The following TAMM41 variants were observed in gnomAD, a reference collection of about 807,000 sequenced individuals.
TAMM41 encodes the protein phosphatidate cytidylyltransferase, mitochondrial.
TAMM41 carries 36 observed loss-of-function variants against 44.1 expected under a neutral mutation model. That is an observed-to-expected ratio of 0.82 (90% CI 0.63 to 1.08). The LOEUF is 1.08. TAMM41 is among the 50% of genes least tolerant of loss of function. The pLI, the probability that TAMM41 is intolerant of heterozygous loss-of-function variation, is 0.00. For synonymous variants in TAMM41, 164 were observed against 153.1 expected, an observed-to-expected ratio of 1.07 and a Z score of -0.53; for missense variants, 417 against 404.3, an observed-to-expected ratio of 1.03 and a Z score of -0.27.
downstream of TAMM41, among the ~76,000 whole-genome samples, chr3:11,785,767 C>T (rs2077413191): frequency 6.6e-6 from 1 of 152,246 alleles, no homozygotes; most frequent in African/African-American, 2.4e-5. Context: ...GGGTGCGCAC[C>T]ACTGCTCCCA....
At chr3:11,723,227 A>C in the TAMM41 span, among the ~76,000 whole-genome samples, 1 of 152,160 alleles carries the variant, frequency 6.6e-6, no homozygotes, top group Non-Finnish European at 1.5e-5. Flanking sequence ...GGAGAAAACC[A>C]TTTGGTTAAA....
chr3:11,795,619 A>G (rs1251519727), intron 7 of TAMM41, among the ~76,000 whole-genome samples: 1 of 152,118 alleles, frequency 6.6e-6, no homozygotes, highest in African/African-American at 2.4e-5. Context: ...CTCTGCCCTC[A>G]AAAGAAACCC....
At chr3:11,812,785 G>A (rs2078132232) in intron 5 of TAMM41, among the ~76,000 whole-genome samples, 1 of 152,190 alleles carries the variant, frequency 6.6e-6, no homozygotes, top group South Asian at 2.1e-4. Flanking sequence ...GCCCAATTTT[G>A]ATGGTTAGTG....
intron 7 of TAMM41, among the ~76,000 whole-genome samples, chr3:11,795,203 G>C (rs1218699439): frequency 3.3e-5 from 5 of 152,164 alleles, no homozygotes; most frequent in Non-Finnish European, 5.9e-5. Flanking sequence ...TTTGAAGCTA[G>C]AGAGGTAAAC....
intron 3 of TAMM41, among the ~76,000 whole-genome samples, chr3:11,830,153 T>C (rs2078925280): frequency 6.6e-6 from 1 of 152,196 alleles, no homozygotes; most frequent in African/African-American, 2.4e-5. Flanking sequence ...CAAAAGTCCT[T>C]TGGAAACTTT....
At chr3:11,799,949 T>C (rs1352891766) in intron 7 of TAMM41, among the ~76,000 whole-genome samples, 2 of 152,176 alleles carry the variant, frequency 1.3e-5, no homozygotes, top group African/African-American at 2.4e-5. Flanking sequence ...TTTAAAGTGC[T>C]GAAGGAAAAA....
At chr3:11,759,988 A>AAG in the TAMM41 span, among the ~76,000 whole-genome samples, 42 of 151,802 alleles carry the variant, frequency 2.8e-4, no homozygotes, top group East Asian at 9.7e-4. Flanking sequence ...AAAAAAGAAA[A>AAG]AAGAAGAAGA....
the TAMM41 span, among the ~76,000 whole-genome samples, chr3:11,752,139 C>T: frequency 3.9e-4 from 59 of 152,174 alleles, no homozygotes; most frequent in African/African-American, 1.3e-3. Flanking sequence ...CGGACCTTCG[C>T]GGCGAGTGTT....
At chr3:11,735,010 C>T in the TAMM41 span, among the ~76,000 whole-genome samples, 4 of 150,472 alleles carry the variant, frequency 2.7e-5, no homozygotes, top group East Asian at 7.8e-4. Context: ...AATCACGCCA[C>T]TGCACTCCAG....
chr3:11,763,124 A>G, the TAMM41 span, among the ~76,000 whole-genome samples: 1 of 152,176 alleles, frequency 6.6e-6, no homozygotes, highest in South Asian at 2.1e-4. Flanking sequence ...TGCCAATTGG[A>G]AATCCTAAAG....
At chr3:11,723,632 G>A in the TAMM41 span, among the ~76,000 whole-genome samples, 1 of 151,086 alleles carries the variant, frequency 6.6e-6, no homozygotes, top group African/African-American at 2.4e-5. Context: ...TGGTTTTACA[G>A]TAGTGTGAAT....
At chr3:11,826,048 G>A (rs1221870410) in intron 4 of TAMM41, among the ~76,000 whole-genome samples, 3 of 152,122 alleles carry the variant, frequency 2.0e-5, no homozygotes, top group African/African-American at 2.4e-5. Flanking sequence ...AAAGTAATCT[G>A]TACAAAGTGA....
chr3:11,802,732 G>A (rs6780108), intron 7 of TAMM41, among the ~76,000 whole-genome samples: 18,525 of 152,078 alleles, frequency 0.12, 2,463 homozygotes, highest in East Asian at 0.48. Context: ...AACAGACAAG[G>A]ACACAACACC....
At chr3:11,834,718 G>A (rs151075388) in intron 3 of TAMM41, among the ~76,000 whole-genome samples, 1,916 of 152,204 alleles carry the variant, frequency 0.013, 35 homozygotes, top group African/African-American at 0.043. Context: ...ACATGGTCTT[G>A]CTCTGTCATC....
At chr3:11,818,696 A>G (rs1031118947) in intron 4 of TAMM41, among the ~76,000 whole-genome samples, 11 of 152,102 alleles carry the variant, frequency 7.2e-5, no homozygotes, top group African/African-American at 9.7e-5. Flanking sequence ...GGAGATCCAG[A>G]CCATCCTGGC....
the TAMM41 span, among the ~76,000 whole-genome samples, chr3:11,730,657 C>G: frequency 6.6e-6 from 1 of 151,564 alleles, no homozygotes; most frequent in Non-Finnish European, 1.5e-5. Flanking sequence ...TCACTTGAAC[C>G]TGGGAGGCGG....
At chr3:11,728,707 C>G in the TAMM41 span, among the ~76,000 whole-genome samples, 1 of 152,034 alleles carries the variant, frequency 6.6e-6, no homozygotes, top group African/African-American at 2.4e-5. Context: ...GGAGATGGAC[C>G]CTTTTAAACC....
At chr3:11,753,250 A>AC in the TAMM41 span, among the ~76,000 whole-genome samples, 1 of 151,280 alleles carries the variant, frequency 6.6e-6, no homozygotes, top group South Asian at 2.1e-4. Context: ...ACATGGTGAG[A>AC]CCCCCATCTC....
the TAMM41 span, among the ~76,000 whole-genome samples, chr3:11,734,596 C>G: frequency 6.6e-6 from 1 of 152,104 alleles, no homozygotes. Flanking sequence ...AATGATAGCT[C>G]TATTACATGC....
Sources: allele counts gnomAD v4.1 joint callset (sites outside exome capture counted in the v4.1 genomes callset), GRCh38; gene constraint gnomAD v4.1.1; transcripts MANE v1.5; gene names NCBI Gene and HGNC (gene_info 2026-07-23, HGNC 2026-07-21).